STK33: variants seen among roughly 807,000 people sequenced by gnomAD.
STK33 encodes the protein serine/threonine kinase 33.
STK33 carries 52 observed loss-of-function variants against 58.0 expected under a neutral mutation model. That is an observed-to-expected ratio of 0.90 (90% CI 0.72 to 1.13). The LOEUF is 1.13. Ranked by LOEUF, STK33 falls within the 50% of genes most tolerant of loss-of-function variation. The probability of loss-of-function intolerance (pLI) is 0.00; values close to 1 mark genes in which losing one functional copy is unlikely to be tolerated. For synonymous variants in STK33, 215 were observed against 200.1 expected (o/e 1.07, Z -0.63); for missense variants, 630 against 604.2 (o/e 1.04, Z -0.45).
intron 1 of STK33, among the ~76,000 whole-genome samples, chr11:8,570,253 A>G (rs1204471033): frequency 6.6e-6 from 1 of 152,214 alleles, no homozygotes; most frequent in Non-Finnish European, 1.5e-5. Context: ...AGTTTAAAAG[A>G]CTGACAAAAC....
chr11:8,335,318 A>C, the STK33 span, among the ~76,000 whole-genome samples: 1 of 152,174 alleles, frequency 6.6e-6, no homozygotes, highest in Admixed American at 6.5e-5. Flanking sequence ...AGAGAGGGGA[A>C]GAAGGAAACT....
rs1947555815 is a variant in STK33, at chr11:8,461,799, G to T, written c.558+6C>A. On this transcript the variant is annotated splice_donor_region_variant and intron_variant, in intron 8 of 15. Transcript: ENST00000687296. Reference sequence around the variant, plus strand: ...TTTCAAAATGCAGCGCCTAATAGAGGTTTACCTTTGGCGTTTCAAATACTT... The same window carrying T: ...TTTCAAAATGCAGCGCCTAATAGAGTTTTACCTTTGGCGTTTCAAATACTT... The T allele has an allele frequency of 4.5e-6, 7 of 1,566,848 alleles. No individual in the cohort carries two copies. The highest frequency in any genetic ancestry group is 6.0e-6 in the Non-Finnish European group (7 of 1,160,224).
intron 14 of STK33, among the ~76,000 whole-genome samples, chr11:8,415,135 C>T (rs139127227): frequency 1.5e-3 from 226 of 152,228 alleles, no homozygotes; most frequent in African/African-American, 5.3e-3. Context: ...TTCATAAAAT[C>T]AGTGACCAGG....
chr11:8,387,458 CCT>C (rs1283689869), downstream of STK33, among the ~76,000 whole-genome samples: 2 of 152,188 alleles, frequency 1.3e-5, no homozygotes. Flanking sequence ...TCTCTCTGTG[CCT>C]TAATTCATTT....
the STK33 span, among the ~76,000 whole-genome samples, chr11:8,351,578 A>G: frequency 6.6e-6 from 1 of 152,120 alleles, no homozygotes; most frequent in African/African-American, 2.4e-5. Flanking sequence ...ACTTCACCAT[A>G]ATTTCTAAAG....
chr11:8,588,931 T>C (rs995859771), intron 1 of STK33, among the ~76,000 whole-genome samples: 1 of 152,110 alleles, frequency 6.6e-6, no homozygotes, highest in Non-Finnish European at 1.5e-5. Flanking sequence ...CCTAACACCA[T>C]TAGTTATCAG....
the STK33 span, among the ~76,000 whole-genome samples, chr11:8,363,785 T>C: frequency 6.6e-6 from 1 of 152,230 alleles, no homozygotes; most frequent in African/African-American, 2.4e-5. Context: ...CTGTTAGTTA[T>C]AAATATAGTT....
intron 15 of STK33, among the ~76,000 whole-genome samples, chr11:8,409,067 G>C (rs1590826338): frequency 6.6e-6 from 1 of 152,212 alleles, no homozygotes; most frequent in East Asian, 1.9e-4. Context: ...TAAGTTCCCA[G>C]AAATGAGCCA....
intron 15 of STK33, among the ~76,000 whole-genome samples, chr11:8,413,141 C>T (rs1041428137): frequency 3.9e-5 from 6 of 152,124 alleles, no homozygotes; most frequent in African/African-American, 9.7e-5. Flanking sequence ...TGAGTTGGAA[C>T]ATGGCCACAC....
intron 1 of STK33, among the ~76,000 whole-genome samples, chr11:8,566,817 G>C (rs138269942): frequency 1.3e-5 from 2 of 152,244 alleles, no homozygotes; most frequent in East Asian, 3.9e-4. Flanking sequence ...TTAAATTACT[G>C]AGTGAGCTTC....
chr11:8,430,803 A>G (rs1210127078), intron 14 of STK33, among the ~76,000 whole-genome samples: 2 of 152,012 alleles, frequency 1.3e-5, no homozygotes, highest in Admixed American at 1.3e-4. Context: ...TTGAGTATAT[A>G]CCAATAATTG....
At chr11:8,338,737 G>A in the STK33 span, among the ~76,000 whole-genome samples, 13 of 152,246 alleles carry the variant, frequency 8.5e-5, no homozygotes, top group East Asian at 2.3e-3. Flanking sequence ...ACGTGGAAAA[G>A]GTGACCCAGA....
the STK33 span, among the ~76,000 whole-genome samples, chr11:8,339,814 C>G: frequency 6.6e-6 from 1 of 152,214 alleles, no homozygotes; most frequent in East Asian, 1.9e-4. Context: ...GCCTCCAAGC[C>G]CAACCTCTTC....
chr11:8,483,321 A>G (rs1325603405), intron 1 of STK33, among the ~76,000 whole-genome samples: 1 of 152,144 alleles, frequency 6.6e-6, no homozygotes, highest in Non-Finnish European at 1.5e-5. Flanking sequence ...TGAAGGCAAG[A>G]AAAATAGGAG....
chr11:8,496,510 G>C (rs2138932422), intron 1 of STK33, among the ~76,000 whole-genome samples: 1 of 152,002 alleles, frequency 6.6e-6, no homozygotes, highest in South Asian at 2.1e-4. Flanking sequence ...AATTAAGTTT[G>C]ATCTTGCCTC....
chr11:8,502,181 T>C (rs570655150), intron 1 of STK33, among the ~76,000 whole-genome samples: 11 of 152,214 alleles, frequency 7.2e-5, no homozygotes, highest in Admixed American at 5.9e-4. Flanking sequence ...AATTAAGTCG[T>C]CCCTAAAAAT....
rs538581108 is a variant in STK33 at position 8,562,576 on chromosome 11, C to A, written c.-466+31507G>T. 9.2e-5 allele frequency among the ~76,000 whole-genome samples: 14 copies of A among 152,202 alleles called. No homozygotes were observed. The South Asian group carries it at 2.7e-3, about 29-fold the overall frequency. On this transcript the variant is annotated intron_variant, in intron 1 of 15. Coordinates refer to ENST00000687296, the MANE Select transcript of STK33 (RefSeq NM_001352389.2). ...TTTCATTATACTCTTAGATTCTAGT[C>A]CATAGCTAGGAACTGAGCCATTTCC...
the STK33 span, among the ~76,000 whole-genome samples, chr11:8,364,111 G>C: frequency 6.6e-6 from 1 of 152,066 alleles, no homozygotes; most frequent in African/African-American, 2.4e-5. Flanking sequence ...ACTATCTCTG[G>C]GGCATGTTCA....
chr11:8,377,098 C>A, the STK33 span, among the ~76,000 whole-genome samples: 2 of 152,192 alleles, frequency 1.3e-5, no homozygotes. Context: ...CGACAGTGCC[C>A]CTTTGCACCT....
Sources: gnomAD v4.1 joint callset for allele counts (sites outside exome capture counted in the v4.1 genomes callset) on GRCh38, gnomAD v4.1.1 for gene constraint, MANE v1.5 for transcripts, NCBI Gene and HGNC (gene_info 2026-07-23, HGNC 2026-07-21) for gene names.